YPEL2: variants seen among roughly 807,000 people sequenced by gnomAD.
YPEL2 encodes the protein protein yippee-like 2.
In YPEL2, 2 loss-of-function variants were observed where a neutral mutation model predicts 19.1. That is an observed-to-expected ratio of 0.10 (90% CI 0.04 to 0.33). YPEL2 has a LOEUF of 0.33. Among genes scored for constraint, YPEL2 ranks in the 10% least tolerant of loss-of-function variants. The pLI, the probability that YPEL2 is intolerant of heterozygous loss-of-function variation, is 1.00. For missense variants in YPEL2, 66 were observed against 140.7 expected, an observed-to-expected ratio of 0.47 and a Z score of 2.68; for synonymous variants, 52 against 50.0, an observed-to-expected ratio of 1.04 and a Z score of -0.17.
intron 4 of YPEL2, among the ~76,000 whole-genome samples, chr17:59,395,599 G>T (rs2048034821): frequency 6.6e-6 from 1 of 152,126 alleles, no homozygotes. Flanking sequence ...CTCCCTCTGG[G>T]GGCCTGGCAG....
chr17:59,333,257 C>T (rs149102972), intron 1 of YPEL2, among the ~76,000 whole-genome samples: 145 of 152,324 alleles, frequency 9.5e-4, no homozygotes, highest in African/African-American at 3.3e-3. Context: ...CAGACTTCCC[C>T]CTTGGCACCA....
intron 4 of YPEL2, among the ~76,000 whole-genome samples, chr17:59,393,130 G>C (rs1013569853): frequency 6.6e-6 from 1 of 152,034 alleles, no homozygotes; most frequent in South Asian, 2.1e-4. Flanking sequence ...TCTGTGTCTC[G>C]GGGCTATTGA....
At chr17:59,359,535 C>T (rs1275598007) in intron 2 of YPEL2, among the ~76,000 whole-genome samples, 2 of 151,998 alleles carry the variant, frequency 1.3e-5, no homozygotes, top group African/African-American at 4.8e-5. Context: ...AGAATATATA[C>T]AATATGAGAT....
In YPEL2 at chr17:59,353,774, A is replaced by C. The variant is rs1040596879; in HGVS notation, c.117+248A>C. On this transcript the variant is annotated intron_variant, in intron 2 of 4. Transcript: ENST00000312655. This position sits in a 1 kb window ranked among gnomAD's most constrained non-coding sequence, Gnocchi z 4.8. Reference sequence around the variant, plus strand: ...AGGCTTTGGGAGCTGGCAGCTTGCAAGCCAGAGAAGGGAGGGGCTGGGGAT... The same window carrying C: ...AGGCTTTGGGAGCTGGCAGCTTGCACGCCAGAGAAGGGAGGGGCTGGGGAT... 5 of 462,438 alleles carry C rather than the reference A, an allele frequency of 1.1e-5. No individual in the cohort carries two copies. Among genetic ancestry groups the C allele is most frequent in the Non-Finnish European group, 2.0e-5 (5 of 245,124 alleles). The allele number at this position is 462,438 out of a possible 1,614,324, so 28.6% of individuals were successfully genotyped here. A position where few individuals can be genotyped will look rare whatever the true frequency, so the allele number is the denominator to read the frequency against.
Position 59,353,629 on chromosome 17 carries a change from C to A in YPEL2, c.117+103C>A. 1.1e-6 allele frequency: 1 copy of A among 914,736 alleles called. No individual in the cohort carries two copies. The highest frequency in any genetic ancestry group is 1.8e-6 in the Non-Finnish European group (1 of 552,484). The allele number at this position is 914,736 out of a possible 1,614,324, so 56.7% of individuals were successfully genotyped here. A position where few individuals can be genotyped will look rare whatever the true frequency, so the allele number is the denominator to read the frequency against. On this transcript the variant is annotated intron_variant, in intron 2 of 4. Transcript: ENST00000312655. This position sits in a 1 kb window ranked among gnomAD's most constrained non-coding sequence, Gnocchi z 4.8. ...GCTCTCAAGAATATTTGTACTCCAT[C>A]TTTGTACAGGGAGGGCTGACCCACG...
At chr17:59,360,330 C>T (rs528107137) in intron 2 of YPEL2, among the ~76,000 whole-genome samples, 2 of 152,290 alleles carry the variant, frequency 1.3e-5, no homozygotes, top group South Asian at 2.1e-4. Flanking sequence ...CTGCCTGCCT[C>T]GGCCTCCCAG....
At chr17:59,334,602 A>G (rs2047689989) in intron 1 of YPEL2, among the ~76,000 whole-genome samples, 1 of 149,994 alleles carries the variant, frequency 6.7e-6, no homozygotes, top group Non-Finnish European at 1.5e-5. Context: ...ACACACACAC[A>G]CACACGCCTG....
At chr17:59,341,470 G>A in intron 1 of YPEL2, among the ~76,000 whole-genome samples, 1 of 151,650 alleles carries the variant, frequency 6.6e-6, no homozygotes. Context: ...GACCAGTCTG[G>A]ACAACATGGC....
At position 59,353,381 on chromosome 17, in the gene YPEL2, C is replaced by T; in HGVS notation, c.-29C>T. The T allele has an allele frequency of 6.6e-7, 1 of 1,506,164 alleles. No homozygotes were observed. 93.3% of individuals were successfully genotyped at this position (1,506,164 alleles called of 1,614,324 possible). ...TGTGGGAGTGCCTCGTGGGCTGCCC[C>T]AGAGTTCACCCCACACTCAGCAGCA... On this transcript the variant is annotated 5_prime_UTR_variant, in exon 2 of 5. An upstream open reading frame in the 5' UTR gains an earlier in-frame stop. Transcript: ENST00000312655. This position sits in a 1 kb window ranked among gnomAD's most constrained non-coding sequence, Gnocchi z 4.8.
intron 4 of YPEL2, among the ~76,000 whole-genome samples, chr17:59,396,654 C>T (rs1325482834): frequency 6.6e-6 from 1 of 152,214 alleles, no homozygotes; most frequent in African/African-American, 2.4e-5. Context: ...TAGGAATCAT[C>T]TCGCTGAGTC....
chr17:59,399,929 T>C lies in YPEL2; in HGVS notation c.*2739T>C, dbSNP rs1598059487. 1 of 152,272 alleles carries C rather than the reference T, an allele frequency of 6.6e-6. No homozygotes were observed. The highest frequency in any genetic ancestry group is 2.1e-4 in the South Asian group (1 of 4,794). 9.4% of individuals were successfully genotyped at this position (152,272 alleles called of 1,614,324 possible). On this transcript the variant is annotated 3_prime_UTR_variant, in exon 5 of 5. Transcript: ENST00000312655. ...CGGGGTGTTGGGAGTAGAGACAGGG[T>C]AAGGGGACGTGAGAAAGGAAAAGGC...
At chr17:59,364,387 C>CT (rs1184660472) in intron 2 of YPEL2, among the ~76,000 whole-genome samples, 15 of 152,316 alleles carry the variant, frequency 9.8e-5, no homozygotes, top group African/African-American at 3.4e-4. Context: ...TTGGGCAAGA[C>CT]TGTTCATCTC....
At chr17:59,357,770 C>T (rs2047820205) in intron 2 of YPEL2, among the ~76,000 whole-genome samples, 2 of 152,002 alleles carry the variant, frequency 1.3e-5, no homozygotes, top group Admixed American at 6.6e-5. Context: ...TCCTGCCAAC[C>T]CCTTGATGGC....
At chr17:59,337,336 C>T (rs1266931168) in intron 1 of YPEL2, among the ~76,000 whole-genome samples, 2 of 151,942 alleles carry the variant, frequency 1.3e-5, no homozygotes, top group Middle Eastern at 3.4e-3. Flanking sequence ...TACAGGCGCC[C>T]ACCATCACGC....
intron 1 of YPEL2, among the ~76,000 whole-genome samples, chr17:59,347,527 A>G (rs1319686102): frequency 2.6e-5 from 4 of 152,178 alleles, no homozygotes; most frequent in Admixed American, 6.5e-5. Flanking sequence ...ACTGGCTGGC[A>G]TGCAGTGGGT....
Position 59,339,700 on chromosome 17 carries a change from G to A in YPEL2, c.-196+7876G>A, listed in dbSNP as rs1327823501. 3.9e-5 allele frequency among the ~76,000 whole-genome samples: 6 copies of A among 152,058 alleles called. No individual in the cohort carries two copies. The East Asian group carries it at 5.8e-4, about 15-fold the overall frequency. ...GAGGAAGGATCTACTTGCAAGGGAC[G>A]GGGGATTTGAATCCTGGTTTTGGTC... On this transcript the variant is annotated intron_variant, in intron 1 of 4. Transcript: ENST00000312655.
intron 2 of YPEL2, among the ~76,000 whole-genome samples, chr17:59,382,934 C>A (rs1018293265): frequency 3.3e-5 from 5 of 152,152 alleles, no homozygotes; most frequent in Non-Finnish European, 4.4e-5. Flanking sequence ...TGAGCCATCA[C>A]GCCTAGCACT....
chr17:59,381,669 G>A (rs1335537895), intron 2 of YPEL2, among the ~76,000 whole-genome samples: 1 of 152,182 alleles, frequency 6.6e-6, no homozygotes, highest in Non-Finnish European at 1.5e-5. Flanking sequence ...CTTTGAGCTG[G>A]CTGGAAGGGC....
chr17:59,349,358 C>CT (rs58304283), intron 1 of YPEL2, among the ~76,000 whole-genome samples: 5,622 of 119,214 alleles, frequency 0.047, 186 homozygotes, highest in Non-Finnish European at 0.067. Flanking sequence ...CCTTTTTTTT[C>CT]TTTTTTTTTT....
Sources: allele counts gnomAD v4.1 joint callset (sites outside exome capture counted in the v4.1 genomes callset), GRCh38; gene constraint gnomAD v4.1.1; non-coding constraint Gnocchi (gnomAD v3.1); transcripts MANE v1.5; gene names NCBI Gene and HGNC (gene_info 2026-07-23, HGNC 2026-07-21).